GABRB3: variants seen among roughly 807,000 people sequenced by gnomAD.
GABRB3 encodes gamma-aminobutyric acid receptor subunit beta-3.
In GABRB3, 14 loss-of-function variants were observed where a neutral mutation model predicts 52.1. That is an observed-to-expected ratio of 0.27 (90% CI 0.18 to 0.42). The LOEUF is 0.42. Ranked by LOEUF, GABRB3 falls within the 10% of genes least tolerant of loss-of-function variation. The pLI is 1.00. For missense variants in GABRB3, 307 were observed against 609.1 expected (o/e 0.50, Z 5.22); for synonymous variants, 260 against 232.3 (o/e 1.12, Z -1.08).
chr15:26,622,359 A>T (rs552797603), intron 3 of GABRB3, among the ~76,000 whole-genome samples: 1 of 147,484 alleles, frequency 6.8e-6, no homozygotes, highest in Non-Finnish European at 1.5e-5. Context: ...GCAGAACAAA[A>T]GAAATTCTCT....
chr15:26,549,139 G>GA (rs1889366171), intron 8 of GABRB3, among the ~76,000 whole-genome samples: 1 of 152,140 alleles, frequency 6.6e-6, no homozygotes, highest in Admixed American at 6.5e-5. Flanking sequence ...CTTCCTCCAT[G>GA]AATCTTTCAC....
chr15:26,666,909 C>T (rs1046911029), intron 3 of GABRB3, among the ~76,000 whole-genome samples: 1 of 152,118 alleles, frequency 6.6e-6, no homozygotes, highest in African/African-American at 2.4e-5. Context: ...CTACAGCCAC[C>T]TCTAGATCTG....
intron 3 of GABRB3, among the ~76,000 whole-genome samples, chr15:26,681,817 G>GAA (rs948232477): frequency 6.6e-6 from 1 of 152,024 alleles, no homozygotes; most frequent in Non-Finnish European, 1.5e-5. Context: ...TGTTTTATAA[G>GAA]AAAAATTAGC....
chr15:26,689,810 AG>A (rs1439500348), intron 3 of GABRB3, among the ~76,000 whole-genome samples: 1 of 152,088 alleles, frequency 6.6e-6, no homozygotes, highest in African/African-American at 2.4e-5. Context: ...GCCTTTCCAA[AG>A]GGCTGGTCTG....
intron 3 of GABRB3, among the ~76,000 whole-genome samples, chr15:26,747,123 C>T (rs1890368499): frequency 6.6e-6 from 1 of 152,236 alleles, no homozygotes; most frequent in Non-Finnish European, 1.5e-5. Context: ...AGAATGTTCC[C>T]CCACAGTGTC....
intron 4 of GABRB3, chr15:26,614,981 AC>A (rs113348784): frequency 0.18 from 27,516 of 151,160 alleles, 2,615 homozygotes; most frequent in African/African-American, 0.26. Flanking sequence ...TATTTTGTGA[AC>A]CCCCCCCTCG....
At chr15:26,629,237 G>A (rs1227541442) in intron 3 of GABRB3, 3 of 1,374,146 alleles carry the variant, frequency 2.2e-6, no homozygotes, top group South Asian at 1.5e-5. Context: ...AAGGAGGGCA[G>A]CGCGGAAGCT....
At chr15:26,662,727 C>A (rs991228535) in intron 3 of GABRB3, among the ~76,000 whole-genome samples, 4 of 152,146 alleles carry the variant, frequency 2.6e-5, no homozygotes, top group African/African-American at 9.7e-5. Context: ...AGGGCAGTGT[C>A]ATTACAACCC....
In GABRB3 at chr15:26,554,021, T is replaced by TATATATA. The variant is rs1555400757; in HGVS notation, c.1081-5888_1081-5887insTATATAT. On this transcript the variant is annotated intron_variant, in intron 8 of 8. Coordinates refer to ENST00000311550, the MANE Select transcript of GABRB3 (RefSeq NM_000814.6). Reference sequence around the variant, plus strand: ...TCCCGAGTAGCTGACACCTGACTATTTATATATATATATATTTATTTATTT... The same window carrying TATATATA: ...TCCCGAGTAGCTGACACCTGACTATTATATATATATATATATATATATTTATTTATTT... 5.5e-4 allele frequency among the ~76,000 whole-genome samples: 13 copies of TATATATA among 23,682 alleles called. 2 individuals are homozygous for TATATATA. Among genetic ancestry groups the TATATATA allele is most frequent in the African/African-American group, 1.8e-3 (10 of 5,498 alleles). The allele number at this position is 23,682 out of a possible 152,430, so 15.5% of individuals were successfully genotyped here.
Position 26,773,016 on chromosome 15 carries a change from C to T in GABRB3, c.-54G>A, listed in dbSNP as rs1442043847. On this transcript the variant is annotated 5_prime_UTR_variant, in exon 1 of 9. Transcript: ENST00000311550. ...GGGGCGCCCCGCCGCCGTCGCGACC[C>T]GCAGCCGGGGCTGCTCCTGCTGCTG... 3 of 1,266,160 alleles carry T rather than the reference C, an allele frequency of 2.4e-6. No individual in the cohort carries two copies. The allele number at this position is 1,266,160 out of a possible 1,614,324, so 78.4% of individuals were successfully genotyped here.
chr15:26,643,431 C>T (rs762670631), intron 3 of GABRB3, among the ~76,000 whole-genome samples: 2 of 152,218 alleles, frequency 1.3e-5, no homozygotes, highest in Non-Finnish European at 2.9e-5. Flanking sequence ...TCACTCCATA[C>T]AGCAAACTCC....
At chr15:26,750,540 G>A (rs569743836) in intron 3 of GABRB3, among the ~76,000 whole-genome samples, 2 of 133,944 alleles carry the variant, frequency 1.5e-5, no homozygotes, top group South Asian at 2.9e-4. Flanking sequence ...ACCTATCTTC[G>A]AGGCATGCTC....
At chr15:26,759,531 T>A (rs1890755749) in intron 3 of GABRB3, among the ~76,000 whole-genome samples, 1 of 152,220 alleles carries the variant, frequency 6.6e-6, no homozygotes, top group African/African-American at 2.4e-5. Flanking sequence ...AGTGCTGGGA[T>A]TACAGGCATG....
At chr15:26,656,457 A>G (rs1305327575) in intron 3 of GABRB3, among the ~76,000 whole-genome samples, 2 of 152,208 alleles carry the variant, frequency 1.3e-5, no homozygotes, top group African/African-American at 4.8e-5. Context: ...CATGGCTAAC[A>G]TTTGTTCATT....
chr15:26,712,714 G>A (rs1429627531), intron 3 of GABRB3, among the ~76,000 whole-genome samples: 3 of 152,132 alleles, frequency 2.0e-5, no homozygotes, highest in Non-Finnish European at 4.4e-5. Context: ...CTGGAAAGGC[G>A]AGGAGGGGGA....
chr15:26,743,406 T>C (rs972814117), intron 3 of GABRB3, among the ~76,000 whole-genome samples: 1 of 152,188 alleles, frequency 6.6e-6, no homozygotes. Context: ...GCAATTTACT[T>C]AGTCTCTTTG....
intron 3 of GABRB3, among the ~76,000 whole-genome samples, chr15:26,668,886 T>C (rs546609634): frequency 4.0e-4 from 61 of 152,294 alleles, no homozygotes; most frequent in African/African-American, 1.4e-3. Flanking sequence ...GCATGGGTGA[T>C]TGATTCATAA....
chr15:26,622,266 T>C (rs1892511022), intron 3 of GABRB3, among the ~76,000 whole-genome samples: 2 of 152,106 alleles, frequency 1.3e-5, no homozygotes, highest in Admixed American at 1.3e-4. Context: ...AATATCCACG[T>C]GATGGTTCTG....
chr15:26,682,486 C>T (rs1207362639), intron 3 of GABRB3, among the ~76,000 whole-genome samples: 1 of 152,174 alleles, frequency 6.6e-6, no homozygotes, highest in African/African-American at 2.4e-5. Context: ...ACACGGAGCC[C>T]GGCACGGGAC....
Sources: gnomAD v4.1 joint callset for allele counts (sites outside exome capture counted in the v4.1 genomes callset) on GRCh38, gnomAD v4.1.1 for gene constraint, MANE v1.5 for transcripts, NCBI Gene and HGNC (gene_info 2026-07-23, HGNC 2026-07-21) for gene names.